STK32B: variants seen among roughly 807,000 people sequenced by gnomAD.
The protein encoded by STK32B is serine/threonine-protein kinase 32B.
STK32B carries 43 observed loss-of-function variants against 52.6 expected under a neutral mutation model. The ratio of observed to expected loss-of-function variants is 0.82; its 90% CI spans 0.64 to 1.05. STK32B has a LOEUF of 1.05. Ranked by LOEUF, STK32B falls within the 50% of genes least tolerant of loss-of-function variation. The pLI, the probability that STK32B is intolerant of heterozygous loss-of-function variation, is 0.00. For missense variants in STK32B, 621 were observed against 534.6 expected (o/e 1.16, Z -1.59); for synonymous variants, 238 against 204.3 (o/e 1.17, Z -1.41).
chr4:5,333,866 T>A (rs370569354), intron 4 of STK32B, among the ~76,000 whole-genome samples: 2 of 152,242 alleles, frequency 1.3e-5, no homozygotes, highest in Non-Finnish European at 2.9e-5. Context: ...CCGTGCTGTT[T>A]TGGTTACTGT....
chr4:5,192,721 T>C (rs897743288), intron 3 of STK32B, among the ~76,000 whole-genome samples: 1 of 136,322 alleles, frequency 7.3e-6, no homozygotes, highest in South Asian at 2.6e-4. Flanking sequence ...GTCACCTTTT[T>C]TGTGTGTGGT....
intron 6 of STK32B, among the ~76,000 whole-genome samples, chr4:5,440,290 C>T (rs955630171): frequency 7.9e-5 from 12 of 152,080 alleles, no homozygotes; most frequent in African/African-American, 2.9e-4. Flanking sequence ...TGAGCAGTGG[C>T]TTGTAGTTCT....
intron 1 of STK32B, among the ~76,000 whole-genome samples, chr4:5,131,603 G>T (rs1314250176): frequency 6.6e-6 from 1 of 152,126 alleles, no homozygotes; most frequent in Non-Finnish European, 1.5e-5. Flanking sequence ...CTACACAGCA[G>T]TCCAGCCATC....
intron 4 of STK32B, among the ~76,000 whole-genome samples, chr4:5,393,951 T>C (rs903353182): frequency 2.6e-5 from 4 of 152,268 alleles, no homozygotes; most frequent in Admixed American, 2.6e-4. Context: ...AGTTGTAAAA[T>C]AGCCGCAGAT....
chr4:5,141,481 G>A (rs1198060263), intron 2 of STK32B, among the ~76,000 whole-genome samples: 1 of 152,206 alleles, frequency 6.6e-6, no homozygotes, highest in Non-Finnish European at 1.5e-5. Flanking sequence ...CTTCCATGTG[G>A]TAAAGGCTTT....
chr4:5,090,479 C>T (rs149738050), intron 1 of STK32B, among the ~76,000 whole-genome samples: 226 of 150,244 alleles, frequency 1.5e-3, no homozygotes, highest in African/African-American at 5.2e-3. Context: ...AGGTTCACGC[C>T]GTTCTCCTGC....
rs112147635 is a variant in STK32B at position 5,199,782 on chromosome 4, C to G, written c.260+31332C>G. Among the ~76,000 whole-genome samples the G allele has an allele frequency of 3.5e-3, 528 of 151,922 alleles. 1 individual carries two copies. The highest frequency in any genetic ancestry group is 0.012 in the African/African-American group (492 of 41,398). The stretch of plus-strand genomic sequence containing the variant: ...TCCCACCCCCGCCCACCTGGTGAAC[C>G]CCCACTTACGCCACAAAACCCTGCC... On this transcript the variant is annotated intron_variant, in intron 3 of 11. Transcript: ENST00000282908.
At chr4:5,218,049 C>T (rs934394309) in intron 3 of STK32B, among the ~76,000 whole-genome samples, 3 of 152,036 alleles carry the variant, frequency 2.0e-5, no homozygotes, top group Admixed American at 1.3e-4. Flanking sequence ...ATCAGTGGGT[C>T]AAGTGCCTCA....
At chr4:5,437,378 TTCCAGTAGC>T (rs1252417249) in intron 6 of STK32B, among the ~76,000 whole-genome samples, 1 of 152,244 alleles carries the variant, frequency 6.6e-6, no homozygotes, top group Non-Finnish European at 1.5e-5. Flanking sequence ...CTCTTTGAGC[TTCCAGTAGC>T]TCCAGGCGTT....
At chr4:5,242,895 C>T (rs964679638) in intron 3 of STK32B, among the ~76,000 whole-genome samples, 41 of 152,116 alleles carry the variant, frequency 2.7e-4, no homozygotes, top group East Asian at 1.5e-3. Flanking sequence ...TGTAGGTATG[C>T]GGCATTATTT....
intron 6 of STK32B, among the ~76,000 whole-genome samples, chr4:5,439,230 G>C (rs1247284696): frequency 6.6e-6 from 1 of 150,972 alleles, no homozygotes; most frequent in Non-Finnish European, 1.5e-5. Context: ...CAGTGTGAAA[G>C]TGTTCCTATT....
intron 3 of STK32B, among the ~76,000 whole-genome samples, chr4:5,176,410 A>ACTGGAGCT (rs1165867435): frequency 4.8e-5 from 7 of 147,268 alleles, no homozygotes; most frequent in Admixed American, 6.8e-5. Flanking sequence ...GGAGCTGTAG[A>ACTGGAGCT]CTGGAGCTGT....
At chr4:5,043,082 C>T in the STK32B span, among the ~76,000 whole-genome samples, 1 of 144,930 alleles carries the variant, frequency 6.9e-6, no homozygotes, top group Non-Finnish European at 1.5e-5. Context: ...GTCCGCAGTC[C>T]GGCCTGGGCG....
chr4:5,065,833 C>T (rs922003114), intron 1 of STK32B, among the ~76,000 whole-genome samples: 1 of 152,132 alleles, frequency 6.6e-6, no homozygotes, highest in Non-Finnish European at 1.5e-5. Context: ...AAGCAATTCT[C>T]CTGCCTCAGC....
intron 11 of STK32B, among the ~76,000 whole-genome samples, chr4:5,498,537 G>A (rs1027222904): frequency 2.0e-5 from 3 of 152,108 alleles, no homozygotes; most frequent in African/African-American, 7.2e-5. Flanking sequence ...TGGTACACTC[G>A]TGAGCATTTA....
chr4:5,159,541 GT>G (rs1560185617), intron 2 of STK32B, among the ~76,000 whole-genome samples: 2 of 109,528 alleles, frequency 1.8e-5, no homozygotes, highest in East Asian at 2.9e-4. Context: ...ATGTATATAT[GT>G]ATATATATGA....
intron 3 of STK32B, among the ~76,000 whole-genome samples, chr4:5,284,419 C>G (rs28649928): frequency 0.018 from 2,787 of 151,950 alleles, 39 homozygotes; most frequent in East Asian, 0.072. Context: ...TAATAGAAGG[C>G]ATAGAATAAT....
intron 4 of STK32B, among the ~76,000 whole-genome samples, chr4:5,359,876 G>C (rs550523261): frequency 6.6e-6 from 1 of 152,264 alleles, no homozygotes; most frequent in South Asian, 2.1e-4. Flanking sequence ...AGGTAATAGG[G>C]ACTTATCAGC....
intron 11 of STK32B, among the ~76,000 whole-genome samples, chr4:5,479,678 G>T (rs1281804727): frequency 6.6e-6 from 1 of 152,160 alleles, no homozygotes; most frequent in Admixed American, 6.5e-5. Flanking sequence ...CTCTTCCAGG[G>T]ATTCTAGAGA....
Sources: gnomAD v4.1 joint callset for allele counts (sites outside exome capture counted in the v4.1 genomes callset) on GRCh38, gnomAD v4.1.1 for gene constraint, MANE v1.5 for transcripts, NCBI Gene and HGNC (gene_info 2026-07-23, HGNC 2026-07-21) for gene names.